The following CRHR1 variants were observed in gnomAD, a reference collection of about 807,000 sequenced individuals.
The protein encoded by CRHR1 is corticotropin-releasing hormone receptor 1.
In CRHR1, 28 loss-of-function variants were observed where a neutral mutation model predicts 56.0. The observed-to-expected ratio is 0.50, with a 90% CI of 0.37 to 0.69. The LOEUF is 0.69. Among genes scored for constraint, CRHR1 ranks in the 30% least tolerant of loss-of-function variants. CRHR1 has a pLI of 0.00. For missense variants in CRHR1, 376 were observed against 548.0 expected, an observed-to-expected ratio of 0.69 and a Z score of 3.13; for synonymous variants, 195 against 216.5, an observed-to-expected ratio of 0.90 and a Z score of 0.87.
intron 1 of CRHR1, among the ~76,000 whole-genome samples, chr17:45,798,480 C>G (rs1344927095): frequency 6.7e-6 from 1 of 148,394 alleles, no homozygotes; most frequent in Non-Finnish European, 1.5e-5. Flanking sequence ...GAGCCAAGAT[C>G]GCGCCACTGC....
chr17:45,784,356 G>A lies in CRHR1; in HGVS notation c.-189G>A, dbSNP rs2061287035. ...GCCAGACTTCCCCGGGAAGGGGCGA[G>A]CGAGAGCCGGGCCGGGCCGGGCCGG... On this transcript the variant is annotated 5_prime_UTR_variant, in exon 1 of 13. Transcript: ENST00000314537. This position sits in a 1 kb window ranked among gnomAD's most constrained non-coding sequence, Gnocchi z 4.2. 1 of 342,540 alleles carries A rather than the reference G, an allele frequency of 2.9e-6. No individual in the cohort carries two copies. The highest frequency in any genetic ancestry group is 5.0e-6 in the Non-Finnish European group (1 of 198,104). 21.2% of individuals were successfully genotyped at this position (342,540 alleles called of 1,614,324 possible). A position where few individuals can be genotyped will look rare whatever the true frequency, so the allele number is the denominator to read the frequency against.
At chr17:45,829,536 C>T (rs545506686) in intron 5 of CRHR1, 29 of 1,541,006 alleles carry the variant, frequency 1.9e-5, no homozygotes, top group African/African-American at 2.8e-5. Flanking sequence ...AGGGACAAAA[C>T]TTGTCTTATG....
chr17:45,829,643 C>T (rs1028099446), intron 5 of CRHR1: 21 of 1,550,708 alleles, frequency 1.4e-5, no homozygotes, highest in African/African-American at 4.1e-5. Context: ...ATTTCAGGTT[C>T]GAAGGTACCT....
At chr17:45,819,206 C>T (rs1324214033) in intron 3 of CRHR1, among the ~76,000 whole-genome samples, 2 of 152,212 alleles carry the variant, frequency 1.3e-5, no homozygotes, top group African/African-American at 2.4e-5. Flanking sequence ...AACATCACAT[C>T]CCAGGTACAG....
chr17:45,833,693 T>TGCCCC, intron 10 of CRHR1, 21 bp from the exon 11 acceptor site: 1 of 1,571,616 alleles, frequency 6.4e-7, no homozygotes, highest in African/African-American at 1.4e-5. Flanking sequence ...ACTCCGAGCC[T>TGCCCC]CCCCACCCGC....
At chr17:45,821,982 C>T (rs1440478568) in intron 4 of CRHR1, among the ~76,000 whole-genome samples, 1 of 152,192 alleles carries the variant, frequency 6.6e-6, no homozygotes. Flanking sequence ...CCCCTCCCAC[C>T]CCGTCCCCAG....
chr17:45,820,219 C>G (rs1568057676), intron 3 of CRHR1, among the ~76,000 whole-genome samples: 1 of 152,206 alleles, frequency 6.6e-6, no homozygotes, highest in African/African-American at 2.4e-5. Flanking sequence ...CATTTCTCTG[C>G]CAGGCAGTTC....
At chr17:45,802,680 C>T (rs750318534) in intron 1 of CRHR1, among the ~76,000 whole-genome samples, 3 of 152,124 alleles carry the variant, frequency 2.0e-5, no homozygotes, top group Admixed American at 6.5e-5. Flanking sequence ...CTTTGCATAA[C>T]GCAACACCAG....
intron 1 of CRHR1, among the ~76,000 whole-genome samples, chr17:45,802,661 A>C (rs2083243660): frequency 6.6e-6 from 1 of 152,202 alleles, no homozygotes; most frequent in Non-Finnish European, 1.5e-5. Context: ...AATTTTAAGA[A>C]GCATTTTTCT....
rs1162632446 is a variant in CRHR1 at position 45,833,516 on chromosome 17, C to T, written c.908C>T (p.Thr303Met). ...ATGACCAAGCTCCGGGCATCCACCACGTCTGAGACCATTCAGTACAGGTAA... is the reference window on the plus strand; with the variant it reads ...ATGACCAAGCTCCGGGCATCCACCATGTCTGAGACCATTCAGTACAGGTAA... ...ILMTKLRAST[T>M]SETIQYRKAV... The change falls in exon 10 of 13, where the codon ACG becomes ATG. Residue 303 changes from threonine (T) to methionine (M), a missense_variant. Physicochemically the swap from Thr to Met is moderately conservative, Grantham distance 81 (BLOSUM62 -1). Around this residue, in one of 2 missense-constraint regions of CRHR1, gnomAD observed 369 missense variants for 519.5 expected, o/e 0.71. Transcript: ENST00000314537. 6.8e-6 allele frequency: 11 copies of T among 1,613,926 alleles called. No homozygotes were observed. Among genetic ancestry groups the T allele is most frequent in the Middle Eastern group, 1.6e-4 (1 of 6,084 alleles).
intron 2 of CRHR1, among the ~76,000 whole-genome samples, chr17:45,811,334 G>T (rs113398858): frequency 6.6e-6 from 1 of 152,182 alleles, no homozygotes; most frequent in South Asian, 2.1e-4. Flanking sequence ...TCCCTGGCAG[G>T]TGGGAGCCCT....
chr17:45,810,871 C>T (rs969556155), intron 2 of CRHR1, among the ~76,000 whole-genome samples: 2 of 152,262 alleles, frequency 1.3e-5, no homozygotes, highest in African/African-American at 2.4e-5. Context: ...CCTCTCCATG[C>T]CAGGGGACCC....
At chr17:45,815,231 G>T (rs2061902726) in intron 2 of CRHR1, among the ~76,000 whole-genome samples, 1 of 152,202 alleles carries the variant, frequency 6.6e-6, no homozygotes, top group Non-Finnish European at 1.5e-5. Context: ...TTAACCTGGG[G>T]ACACTGGGGC....
chr17:45,789,149 C>T (rs906453813), intron 1 of CRHR1, among the ~76,000 whole-genome samples: 1 of 152,116 alleles, frequency 6.6e-6, no homozygotes, highest in Non-Finnish European at 1.5e-5. Context: ...TGATCTGGGC[C>T]GTTTCTTCCT....
intron 3 of CRHR1, 135 bp downstream of exon 3, chr17:45,816,717 G>C (rs1195893473): frequency 7.2e-7 from 1 of 1,388,666 alleles, no homozygotes; most frequent in African/African-American, 1.4e-5. Flanking sequence ...GTTTTCCAAA[G>C]GTCAGCGCTG....
rs1254858442 is a variant in CRHR1 at position 45,821,443 on chromosome 17, G to A, written c.327+3G>A. ...GCCAGGAGATCCTCAATGAGGAGGTGAGGCTGAGCCGAACAAGGCTGCCCA... is the reference window on the plus strand; with the variant it reads ...GCCAGGAGATCCTCAATGAGGAGGTAAGGCTGAGCCGAACAAGGCTGCCCA... On this transcript the variant is annotated splice_donor_region_variant and intron_variant, in intron 4 of 12. Coordinates refer to ENST00000314537, the MANE Select transcript of CRHR1 (RefSeq NM_004382.5). 1.2e-6 allele frequency: 2 copies of A among 1,611,832 alleles called. No homozygotes were observed. Among genetic ancestry groups the A allele is most frequent in the African/African-American group, 1.3e-5 (1 of 75,078 alleles).
chr17:45,800,348 G>A (rs1373193811), intron 1 of CRHR1: 3 of 152,212 alleles, frequency 2.0e-5, no homozygotes, highest in African/African-American at 7.2e-5. Context: ...CGGAAGATGA[G>A]GAGAGGCCAG....
chr17:45,829,570 C>T (rs751894189), intron 5 of CRHR1: 13 of 1,550,084 alleles, frequency 8.4e-6, no homozygotes, highest in South Asian at 1.2e-5. Context: ...GGCCAGGCTG[C>T]ACCCATTGGG....
intron 1 of CRHR1, among the ~76,000 whole-genome samples, chr17:45,798,012 G>C (rs1332147759): frequency 6.6e-6 from 1 of 152,088 alleles, no homozygotes. Context: ...CGGGAGCAAG[G>C]AGAGGAGAGG....
Sources: gnomAD v4.1 joint callset for allele counts (sites outside exome capture counted in the v4.1 genomes callset) on GRCh38, gnomAD v4.1.1 for gene constraint, gnomAD v4.1.1 regional missense constraint, Gnocchi (gnomAD v3.1) non-coding constraint, MANE v1.5 for transcripts, NCBI Gene and HGNC (gene_info 2026-07-23, HGNC 2026-07-21) for gene names.